PPARD: variants seen among roughly 807,000 people sequenced by gnomAD.
PPARD encodes peroxisome proliferator-activated receptor delta.
A neutral mutation model predicts 39.5 loss-of-function variants in PPARD; 6 were observed. That is an observed-to-expected ratio of 0.15 (90% CI 0.08 to 0.30). The LOEUF (loss-of-function observed/expected upper bound fraction) is 0.30, where lower values mean the gene tolerates loss of function less well. Ranked by LOEUF, PPARD falls within the 10% of genes least tolerant of loss-of-function variation. The pLI is 1.00. For synonymous variants in PPARD, 210 were observed against 231.3 expected (o/e 0.91, Z 0.83); for missense variants, 397 against 596.8 (o/e 0.67, Z 3.49).
At chr6:35,418,428 G>T (rs555934691) in intron 3 of PPARD, among the ~76,000 whole-genome samples, 44 of 152,392 alleles carry the variant, frequency 2.9e-4, no homozygotes, top group Non-Finnish European at 5.4e-4. Flanking sequence ...AGGACTGCCA[G>T]ATGTGCAGAG....
intron 1 of PPARD, among the ~76,000 whole-genome samples, chr6:35,344,272 G>A (rs1208599971): frequency 1.3e-5 from 2 of 151,932 alleles, no homozygotes; most frequent in African/African-American, 4.8e-5. Context: ...CAGGAGGAAC[G>A]GCAATCCCAG....
At chr6:35,421,729 A>C in intron 4 of PPARD, 91 bp from the exon 5 acceptor site, 1 of 1,332,568 alleles carries the variant, frequency 7.5e-7, no homozygotes, top group South Asian at 1.7e-5. Context: ...AAATGTCAGG[A>C]GTGTTTACAC....
chr6:35,423,924 G>A, intron 5 of PPARD, 22 bp from the exon 6 acceptor site: 1 of 1,612,798 alleles, frequency 6.2e-7, no homozygotes. Flanking sequence ...GCTCCTTGCT[G>A]ACTGCCCCCT....
intron 2 of PPARD, among the ~76,000 whole-genome samples, chr6:35,382,122 G>A (rs1763189076): frequency 6.6e-6 from 1 of 152,190 alleles, no homozygotes; most frequent in South Asian, 2.1e-4. Flanking sequence ...GACGTCAGCA[G>A]TAGCCCCTAG....
chr6:35,382,877 C>T (rs1007786740), intron 2 of PPARD, among the ~76,000 whole-genome samples: 3 of 152,194 alleles, frequency 2.0e-5, no homozygotes, highest in Non-Finnish European at 4.4e-5. Flanking sequence ...ACATGGGAAG[C>T]ATTCAGTATG....
At chr6:35,400,370 C>T (rs1457457606) in intron 2 of PPARD, among the ~76,000 whole-genome samples, 1 of 152,174 alleles carries the variant, frequency 6.6e-6, no homozygotes, top group East Asian at 1.9e-4. Context: ...AATAGCCCTG[C>T]CTTCACTCAT....
At chr6:35,380,476 GTTTTTT>G (rs71002557) in intron 2 of PPARD, among the ~76,000 whole-genome samples, 2 of 67,102 alleles carry the variant, frequency 3.0e-5, no homozygotes, top group Non-Finnish European at 5.6e-5. Flanking sequence ...TTTTTTGTTT[GTTTTTT>G]TTTTTTTTTT....
At chr6:35,375,768 C>T (rs929683435) in intron 2 of PPARD, among the ~76,000 whole-genome samples, 3 of 151,912 alleles carry the variant, frequency 2.0e-5, no homozygotes, top group Admixed American at 6.6e-5. Context: ...TGCCCAGGCT[C>T]GTCTTGAACT....
chr6:35,417,186 T>C (rs1390048916), intron 3 of PPARD, among the ~76,000 whole-genome samples: 2 of 151,668 alleles, frequency 1.3e-5, no homozygotes, highest in Non-Finnish European at 2.9e-5. Flanking sequence ...TTTATAGAGA[T>C]AGAGACAGGG....
chr6:35,365,211 C>A (rs1762146627), intron 2 of PPARD, among the ~76,000 whole-genome samples: 1 of 143,970 alleles, frequency 6.9e-6, no homozygotes, highest in African/African-American at 2.7e-5. Context: ...CAGCTCACTG[C>A]AAGCTCCACC....
intron 2 of PPARD, among the ~76,000 whole-genome samples, chr6:35,382,752 T>TAA (rs1375143742): frequency 2.6e-5 from 4 of 152,154 alleles, no homozygotes; most frequent in African/African-American, 9.7e-5. Flanking sequence ...GTGCAATCCT[T>TAA]ATGAGGTTGT....
In PPARD at chr6:35,424,718, C is replaced by T. The variant is rs200961108; in HGVS notation, c.1017C>T (p.Asn339=). The change falls in exon 7 of 8, where the codon AAC becomes AAT. Residue 339 remains asparagine (N), a synonymous_variant. Transcript: ENST00000360694. The surrounding 1 kb of genome is among the most constrained non-coding windows in gnomAD (Gnocchi z 7.1). ...AGTTTGAATTTGCTGTCAAGTTCAA[C>T]GCCCTGGAACTTGATGACAGTGACC... ...EPKFEFAVKF[N]ALELDDSDLA... The T allele has an allele frequency of 1.1e-4, 171 of 1,614,246 alleles. No individual in the cohort carries two copies. Among genetic ancestry groups the T allele is most frequent in the African/African-American group, 7.2e-4 (54 of 75,064 alleles).
At chr6:35,356,459 A>G (rs1000874548) in intron 2 of PPARD, among the ~76,000 whole-genome samples, 37 of 152,228 alleles carry the variant, frequency 2.4e-4, no homozygotes, top group African/African-American at 8.9e-4. Context: ...ACAAGCAAGC[A>G]AAGCATGCTC....
intron 2 of PPARD, among the ~76,000 whole-genome samples, chr6:35,389,383 C>G (rs1305990980): frequency 6.6e-6 from 1 of 152,090 alleles, no homozygotes; most frequent in Non-Finnish European, 1.5e-5. Flanking sequence ...ACTATCTCGG[C>G]TCACTGCAAC....
chr6:35,397,953 A>G (rs1170400632), intron 2 of PPARD, among the ~76,000 whole-genome samples: 2 of 152,184 alleles, frequency 1.3e-5, no homozygotes, highest in Non-Finnish European at 2.9e-5. Flanking sequence ...AACTTTAGCT[A>G]GAGAGAAAAG....
rs1562190309 is a variant in PPARD, at chr6:35,380,472, GTTTGT to G, written c.-101-30511_-101-30507del. Among the ~76,000 whole-genome samples, 248 of 31,286 alleles carry G rather than the reference GTTTGT, an allele frequency of 7.9e-3. 4 individuals are homozygous for G. Among genetic ancestry groups the G allele is most frequent in the Middle Eastern group, 0.058 (3 of 52 alleles). 20.5% of individuals were successfully genotyped at this position (31,286 alleles called of 152,430 possible). ...AATTAACCTCGTGTTTTTTTTTTTT[GTTTGT>G]TTTTTTTTTTTTTTTTTTTTTTTTT... On this transcript the variant is annotated intron_variant, in intron 2 of 7. Coordinates refer to ENST00000360694, the MANE Select transcript of PPARD (RefSeq NM_006238.5).
intron 2 of PPARD, among the ~76,000 whole-genome samples, chr6:35,395,052 C>G (rs1465949554): frequency 1.3e-5 from 2 of 152,120 alleles, no homozygotes; most frequent in Non-Finnish European, 2.9e-5. Context: ...CACTAATGCT[C>G]TCTCCACTGT....
At chr6:35,373,087 C>T (rs1429385003) in intron 2 of PPARD, among the ~76,000 whole-genome samples, 1 of 152,128 alleles carries the variant, frequency 6.6e-6, no homozygotes, top group Admixed American at 6.6e-5. Flanking sequence ...CCTTACATGG[C>T]AGAAGGGTGA....
chr6:35,424,547 C>G lies in PPARD; in HGVS notation c.846C>G (p.Leu282=). ...SLFLNDQVTL[L]KYGVHEAIFA... Reference sequence around the variant, plus strand: ...TCCTCAACGACCAGGTTACCCTTCTCAAGTATGGCGTGCACGAGGCCATCT... The same window carrying G: ...TCCTCAACGACCAGGTTACCCTTCTGAAGTATGGCGTGCACGAGGCCATCT... The change falls in exon 7 of 8, where the codon CTC becomes CTG. Residue 282 remains leucine (L), a synonymous_variant. Coordinates refer to ENST00000360694, the MANE Select transcript of PPARD (RefSeq NM_006238.5). The surrounding 1 kb of genome is among the most constrained non-coding windows in gnomAD (Gnocchi z 7.1). 6.2e-7 allele frequency: 1 copy of G among 1,614,250 alleles called. No individual in the cohort carries two copies. The highest frequency in any genetic ancestry group is 2.2e-5 in the East Asian group (1 of 44,892).
Sources: allele counts gnomAD v4.1 joint callset (sites outside exome capture counted in the v4.1 genomes callset), GRCh38; gene constraint gnomAD v4.1.1; non-coding constraint Gnocchi (gnomAD v3.1); transcripts MANE v1.5; gene names NCBI Gene and HGNC (gene_info 2026-07-23, HGNC 2026-07-21).